The following USH2A variants were observed in gnomAD, a reference collection of about 807,000 sequenced individuals.
USH2A encodes usherin.
In USH2A, 443 loss-of-function variants were observed where a neutral mutation model predicts 538.9. The ratio of observed to expected loss-of-function variants is 0.82; its 90% confidence interval spans 0.76 to 0.89. The LOEUF is 0.89. Among genes scored for constraint, USH2A ranks in the 40% least tolerant of loss-of-function variants. USH2A has a pLI of 0.00. For missense variants in USH2A, 6,633 were observed against 6,324.8 expected, an observed-to-expected ratio of 1.05 and a Z score of -1.65; for synonymous variants, 2,413 against 2,273.5, an observed-to-expected ratio of 1.06 and a Z score of -1.75.
rs2031510033 is a variant in USH2A at position 216,070,153 on chromosome 1, T to C, written c.5997A>G (p.Pro1999=). The C allele has an allele frequency of 6.2e-7, 1 of 1,613,972 alleles. No homozygotes were observed. Among genetic ancestry groups the C allele is most frequent in the Non-Finnish European group, 8.5e-7 (1 of 1,179,938 alleles). The change falls in exon 30 of 72, where the codon CCA becomes CCG. Residue 1999 remains proline, a synonymous_variant. Coordinates refer to ENST00000307340, the MANE Select transcript of USH2A (RefSeq NM_206933.4). Reference sequence around the variant, plus strand: ...CAGCACTGGCAGAGGGCATGCGGGGTGGACGGGTGCTGTCCTCACTATAGG... The same window carrying C: ...CAGCACTGGCAGAGGGCATGCGGGGCGGACGGGTGCTGTCCTCACTATAGG... The part of the protein sequence containing the change: ...LKAYSEDSTR[P]PRMPSASAEF...
chr1:215,969,502 A>C (rs1667438070), intron 36 of USH2A, among the ~76,000 whole-genome samples: 1 of 152,098 alleles, frequency 6.6e-6, no homozygotes, highest in South Asian at 2.1e-4. Flanking sequence ...CATTTTCAAA[A>C]AGTGTAAATT....
At chr1:215,670,665 A>T (rs1657784279) in intron 64 of USH2A, among the ~76,000 whole-genome samples, 1 of 152,164 alleles carries the variant, frequency 6.6e-6, no homozygotes, top group Admixed American at 6.5e-5. Context: ...AGTGTCTCCT[A>T]CCAAGGCAAC....
At chr1:215,999,143 G>T in intron 33 of USH2A, 85 bp from the exon 34 acceptor site, 1 of 1,145,702 alleles carries the variant, frequency 8.7e-7, no homozygotes, top group Non-Finnish European at 1.3e-6. Flanking sequence ...TTTGAACTTG[G>T]ATTTGTGACA....
intron 22 of USH2A, among the ~76,000 whole-genome samples, chr1:216,091,090 C>T (rs79507905): frequency 1.4e-4 from 22 of 152,080 alleles, no homozygotes; most frequent in African/African-American, 5.3e-4. Context: ...ATACTTACAG[C>T]AATTTAGAAT....
chr1:216,366,415 T>C (rs1296848627), intron 3 of USH2A, among the ~76,000 whole-genome samples: 1 of 152,060 alleles, frequency 6.6e-6, no homozygotes, highest in African/African-American at 2.4e-5. Flanking sequence ...GTACAGCATG[T>C]TTGGGAGATC....
chr1:216,246,383 T>C (rs1411391481), intron 13 of USH2A, among the ~76,000 whole-genome samples: 1 of 152,190 alleles, frequency 6.6e-6, no homozygotes. Flanking sequence ...ATCTAAAGTA[T>C]CCTCTCAAAA....
chr1:216,070,215 C>G lies in USH2A; in HGVS notation c.5935G>C (p.Val1979Leu). ...YSIEVTWDEP[V>L]VRGVIEKYIL... is the part of the protein sequence containing the mutation. ...TACTTCTCAATTACACCTCTGACAA[C>G]AGGTTCATCCCAGGTCACCTCAATG... The change falls in exon 30 of 72, where the codon GTT becomes CTT. Residue 1979 changes from valine to leucine, a missense_variant. Coordinates refer to ENST00000307340, the MANE Select transcript of USH2A (RefSeq NM_206933.4). 6.2e-7 allele frequency: 1 copy of G among 1,613,976 alleles called. No homozygotes were observed. The highest frequency in any genetic ancestry group is 8.5e-7 in the Non-Finnish European group (1 of 1,179,912).
intron 21 of USH2A, among the ~76,000 whole-genome samples, chr1:216,139,114 T>G (rs1455532706): frequency 1.3e-5 from 2 of 152,116 alleles, no homozygotes; most frequent in African/African-American, 4.8e-5. Flanking sequence ...ATTCTACTCT[T>G]CTTTATTCTT....
chr1:215,752,651 A>G (rs1287020804), intron 58 of USH2A, among the ~76,000 whole-genome samples: 2 of 152,092 alleles, frequency 1.3e-5, no homozygotes, highest in Non-Finnish European at 2.9e-5. Context: ...TGCAATGTGG[A>G]TATTTTCCCT....
intron 61 of USH2A, among the ~76,000 whole-genome samples, chr1:215,693,092 A>ATATATATATGTGTG (rs371000210): frequency 3.9e-4 from 52 of 131,664 alleles, no homozygotes; most frequent in African/African-American, 1.5e-3. Context: ...ATATATATAT[A>ATATATATATGTGTG]TGTGTGTGTG....
intron 4 of USH2A, among the ~76,000 whole-genome samples, chr1:216,361,502 A>G (rs978925941): frequency 2.0e-5 from 3 of 152,158 alleles, no homozygotes; most frequent in African/African-American, 7.2e-5. Context: ...GCTATCATGT[A>G]TTTGTCAAAG....
rs185200886 is a variant in USH2A, at chr1:216,020,135, A to C, written c.6326-19573T>G. Among the ~76,000 whole-genome samples, 59 of 152,314 alleles carry C rather than the reference A, an allele frequency of 3.9e-4. No individual in the cohort carries two copies. In the East Asian group the frequency reaches 0.01, roughly 26 times the overall value. ...GACACTTATAAGTGTTCACACTATG[A>C]CAACACCTTTTTTATTTCTGAATTA... is the stretch of plus-strand genomic sequence containing the variant. On this transcript the variant is annotated intron_variant, in intron 32 of 71. Coordinates refer to ENST00000307340, the MANE Select transcript of USH2A (RefSeq NM_206933.4).
chr1:216,168,361 T>C (rs17026208), intron 21 of USH2A, among the ~76,000 whole-genome samples: 25,983 of 152,088 alleles, frequency 0.17, 2,678 homozygotes, highest in Admixed American at 0.23. Flanking sequence ...TGAGCAGGTA[T>C]ATTTGAGACT....
chr1:215,939,734 T>C (rs908430503), intron 37 of USH2A, among the ~76,000 whole-genome samples: 7 of 152,136 alleles, frequency 4.6e-5, no homozygotes, highest in African/African-American at 1.7e-4. Flanking sequence ...ACAATCATTG[T>C]CACAAGAATT....
intron 61 of USH2A, among the ~76,000 whole-genome samples, chr1:215,716,029 T>C (rs1659473303): frequency 6.6e-6 from 1 of 152,250 alleles, no homozygotes; most frequent in Non-Finnish European, 1.5e-5. Context: ...AGAGTTGAGA[T>C]TAATAACATG....
intron 44 of USH2A, 24 bp downstream of exon 44, chr1:215,866,983 C>T: frequency 6.2e-7 from 1 of 1,613,990 alleles, no homozygotes; most frequent in South Asian, 1.1e-5. Flanking sequence ...AAAGTGTTAA[C>T]ACAGGTATGA....
chr1:216,121,479 A>T (rs2033138529), intron 21 of USH2A, among the ~76,000 whole-genome samples: 1 of 152,056 alleles, frequency 6.6e-6, no homozygotes, highest in African/African-American at 2.4e-5. Flanking sequence ...TATACTCACC[A>T]CTGGTAAAAC....
chr1:215,860,956 A>G (rs1664298120), intron 44 of USH2A, among the ~76,000 whole-genome samples: 2 of 152,214 alleles, frequency 1.3e-5, no homozygotes, highest in Admixed American at 1.3e-4. Flanking sequence ...TCTATGGTGC[A>G]GGGCTCTGCG....
At chr1:215,645,884 T>C (rs1004091423) in intron 67 of USH2A, among the ~76,000 whole-genome samples, 2 of 152,102 alleles carry the variant, frequency 1.3e-5, no homozygotes, top group Admixed American at 6.6e-5. Context: ...CAAAGATCTG[T>C]TCACAAAGAT....
Sources: gnomAD v4.1 joint callset for allele counts (sites outside exome capture counted in the v4.1 genomes callset) on GRCh38, gnomAD v4.1.1 for gene constraint, MANE v1.5 for transcripts, NCBI Gene and HGNC (gene_info 2026-07-23, HGNC 2026-07-21) for gene names.